MITF: variants seen among roughly 807,000 people sequenced by gnomAD.
The protein encoded by MITF is microphthalmia-associated transcription factor.
Under a neutral mutation model 60.5 loss-of-function variants are expected in MITF, and 17 were observed. The ratio of observed to expected loss-of-function variants is 0.28; its 90% CI spans 0.19 to 0.42. MITF has a LOEUF of 0.42. MITF is among the 10% of genes least tolerant of loss of function. The pLI is 1.00. For synonymous variants in MITF, 260 were observed against 248.5 expected, an observed-to-expected ratio of 1.05 and a Z score of -0.43; for missense variants, 622 against 683.5, an observed-to-expected ratio of 0.91 and a Z score of 1.00.
At chr3:69,806,087 A>ATTT (rs1158336527) in intron 1 of MITF, among the ~76,000 whole-genome samples, 4 of 142,386 alleles carry the variant, frequency 2.8e-5, no homozygotes, top group Admixed American at 7.0e-5. Flanking sequence ...AGCAGAGCCA[A>ATTT]TTTTTTTTTT....
At chr3:69,859,410 G>C (rs1384948027) in intron 1 of MITF, among the ~76,000 whole-genome samples, 3 of 152,156 alleles carry the variant, frequency 2.0e-5, no homozygotes, top group Non-Finnish European at 4.4e-5. Context: ...ATAAAATCTA[G>C]ATGGCAGAAT....
chr3:69,870,979 C>A (rs2064224804), intron 1 of MITF, among the ~76,000 whole-genome samples: 1 of 152,162 alleles, frequency 6.6e-6, no homozygotes, highest in Non-Finnish European at 1.5e-5. Context: ...CAGGGTACAT[C>A]AAACTGGCTT....
intron 1 of MITF, among the ~76,000 whole-genome samples, chr3:69,860,597 CAAAAA>C (rs1039213953): frequency 1.6e-5 from 1 of 60,782 alleles, no homozygotes; most frequent in Admixed American, 1.8e-4. Context: ...GACTCCGTCT[CAAAAA>C]AAAAAAAAAA....
At position 69,911,090 on chromosome 3, in the gene MITF, G is replaced by A. The variant is rs12493992; in HGVS notation, c.355-26732G>A. Among the ~76,000 whole-genome samples the A allele has an allele frequency of 2.1e-3, 320 of 152,178 alleles. 4 individuals are homozygous for A. The East Asian group carries it at 0.024, about 11-fold the overall frequency. On this transcript the variant is annotated intron_variant, in intron 2 of 9. Coordinates refer to ENST00000352241, the MANE Select transcript of MITF (RefSeq NM_001354604.2). ...GAATCATGGGGGGCCAGTCTTTCCC[G>A]TGCTATTCTCATGATAGTGAATAAA...
chr3:69,887,721 G>A (rs1043553484), intron 2 of MITF, among the ~76,000 whole-genome samples: 1 of 152,048 alleles, frequency 6.6e-6, no homozygotes, highest in Admixed American at 6.6e-5. Context: ...GGGTATAGGT[G>A]AATCTATACC....
chr3:69,931,006 G>C (rs1040073227), intron 2 of MITF, among the ~76,000 whole-genome samples: 2 of 152,174 alleles, frequency 1.3e-5, no homozygotes, highest in Admixed American at 6.5e-5. Context: ...CAGTTTAAAA[G>C]CAAAAGAAAA....
chr3:69,934,747 C>T (rs2065794857), intron 2 of MITF, among the ~76,000 whole-genome samples: 1 of 152,172 alleles, frequency 6.6e-6, no homozygotes, highest in Non-Finnish European at 1.5e-5. Context: ...GGACTAATTT[C>T]TCAGAAGAGA....
At chr3:69,778,022 T>C (rs572988748) in intron 1 of MITF, among the ~76,000 whole-genome samples, 7 of 152,176 alleles carry the variant, frequency 4.6e-5, no homozygotes, top group South Asian at 2.1e-4. Context: ...AGGAGCAGTG[T>C]AGGCAAGAGC....
intron 1 of MITF, among the ~76,000 whole-genome samples, chr3:69,846,720 G>A (rs1341990099): frequency 6.7e-6 from 1 of 148,942 alleles, no homozygotes; most frequent in Non-Finnish European, 1.5e-5. Flanking sequence ...AGGAGGCTGA[G>A]ACATGAGACT....
rs1427325818 is a variant in MITF, at chr3:69,939,303, A to G, written c.666+122A>G. 3 of 811,228 alleles carry G rather than the reference A, an allele frequency of 3.7e-6. No homozygotes were observed. In the African/African-American group the frequency reaches 5.3e-5, roughly 14 times the overall value. The allele number at this position is 811,228 out of a possible 1,614,324, so 50.3% of individuals were successfully genotyped here. A position where few individuals can be genotyped will look rare whatever the true frequency, so the allele number is the denominator to read the frequency against. On this transcript the variant is annotated intron_variant, in intron 4 of 9. Coordinates refer to ENST00000352241, the MANE Select transcript of MITF (RefSeq NM_001354604.2). Reference sequence around the variant, plus strand: ...CCCCCATTGTTTTTTTTTTTTTTATAGAGAAAGCTAGGAACATTGCCATTT... The same window carrying G: ...CCCCCATTGTTTTTTTTTTTTTTATGGAGAAAGCTAGGAACATTGCCATTT...
chr3:69,746,155 A>G (rs987280761), intron 1 of MITF, among the ~76,000 whole-genome samples: 14 of 152,302 alleles, frequency 9.2e-5, no homozygotes, highest in Admixed American at 3.9e-4. Flanking sequence ...TTCGTTTGTT[A>G]TTGGAGATTT....
At chr3:69,941,178 G>A in intron 4 of MITF, 58 bp from the exon 5 acceptor site, 1 of 1,141,070 alleles carries the variant, frequency 8.8e-7, no homozygotes, top group Non-Finnish European at 1.3e-6. Flanking sequence ...TCTCTTTTTA[G>A]GTTGTGTTGC....
At chr3:69,766,720 G>A (rs1262316064) in intron 1 of MITF, among the ~76,000 whole-genome samples, 2 of 152,130 alleles carry the variant, frequency 1.3e-5, no homozygotes, top group East Asian at 1.9e-4. Context: ...TGGGATCAGG[G>A]ATAAGTATGT....
intron 1 of MITF, among the ~76,000 whole-genome samples, chr3:69,785,221 G>A (rs1234133690): frequency 6.6e-6 from 1 of 152,116 alleles, no homozygotes; most frequent in Admixed American, 6.5e-5. Flanking sequence ...CAAGCTGAGT[G>A]GAGCAGTGAG....
chr3:69,893,532 T>C (rs967722483), intron 2 of MITF, among the ~76,000 whole-genome samples: 1 of 152,136 alleles, frequency 6.6e-6, no homozygotes, highest in African/African-American at 2.4e-5. Flanking sequence ...CCAGGCGCAA[T>C]ACTTTTTAAT....
chr3:69,757,539 G>A (rs555736648), intron 1 of MITF, among the ~76,000 whole-genome samples: 2 of 152,264 alleles, frequency 1.3e-5, no homozygotes, highest in South Asian at 2.1e-4. Flanking sequence ...TGGAATGGTG[G>A]GATGAGCTTC....
chr3:69,813,871 C>T (rs1327384145), intron 1 of MITF, among the ~76,000 whole-genome samples: 1 of 152,040 alleles, frequency 6.6e-6, no homozygotes, highest in Non-Finnish European at 1.5e-5. Flanking sequence ...ATTGCGAATC[C>T]ATTACTTTCT....
At chr3:69,878,291 T>C (rs1248944135) in intron 1 of MITF, among the ~76,000 whole-genome samples, 1 of 152,226 alleles carries the variant, frequency 6.6e-6, no homozygotes, top group Non-Finnish European at 1.5e-5. Context: ...AGATAAGTTA[T>C]CAGAAACCAT....
intron 1 of MITF, among the ~76,000 whole-genome samples, chr3:69,815,103 G>A (rs767444587): frequency 6.6e-6 from 1 of 152,114 alleles, no homozygotes; most frequent in African/African-American, 2.4e-5. Context: ...AAAAACAAAT[G>A]TTTACCATAA....
Sources: gnomAD v4.1 joint callset for allele counts (sites outside exome capture counted in the v4.1 genomes callset) on GRCh38, gnomAD v4.1.1 for gene constraint, MANE v1.5 for transcripts, NCBI Gene and HGNC (gene_info 2026-07-23, HGNC 2026-07-21) for gene names.